NBEA: variants seen among roughly 807,000 people sequenced by gnomAD.
The protein encoded by NBEA is neurobeachin.
Under a neutral mutation model 343.4 loss-of-function variants are expected in NBEA, and 44 were observed. The ratio of observed to expected loss-of-function variants is 0.13; its 90% CI spans 0.10 to 0.16. NBEA has a LOEUF of 0.16. NBEA is among the 10% of genes least tolerant of loss of function. The pLI, the probability that NBEA is intolerant of heterozygous loss-of-function variation, is 1.00. For missense variants in NBEA, 2,555 were observed against 3,631.3 expected, an observed-to-expected ratio of 0.70 and a Z score of 7.62; for synonymous variants, 1,175 against 1,238.7, an observed-to-expected ratio of 0.95 and a Z score of 1.08.
intron 13 of NBEA, among the ~76,000 whole-genome samples, chr13:35,112,048 C>G (rs1259865472): frequency 6.6e-6 from 1 of 151,292 alleles, no homozygotes; most frequent in Non-Finnish European, 1.5e-5. Context: ...TCCCGAGTAG[C>G]TGGGACTACA....
intron 38 of NBEA, among the ~76,000 whole-genome samples, chr13:35,421,279 T>G (rs1017165268): frequency 2.0e-5 from 3 of 152,038 alleles, no homozygotes; most frequent in African/African-American, 7.2e-5. Context: ...TGTGGGTGAC[T>G]TGGTCATTTT....
intron 1 of NBEA, among the ~76,000 whole-genome samples, chr13:35,021,207 C>T (rs747300016): frequency 6.2e-4 from 94 of 152,016 alleles, no homozygotes; most frequent in Admixed American, 1.3e-3. Flanking sequence ...ATAGTTTTAT[C>T]GGAATGGTGG....
At chr13:35,202,431 T>G (rs1170944273) in intron 31 of NBEA, among the ~76,000 whole-genome samples, 1 of 152,166 alleles carries the variant, frequency 6.6e-6, no homozygotes. Context: ...GGGATTCTTA[T>G]AGTGTGCCAT....
intron 41 of NBEA, chr13:35,476,225 G>A: frequency 2.5e-6 from 4 of 1,594,004 alleles, no homozygotes; most frequent in Non-Finnish European, 3.4e-6. Flanking sequence ...GCCAACTTCG[G>A]TGGAGAAACG....
chr13:35,054,226 T>C (rs758696010), intron 6 of NBEA, among the ~76,000 whole-genome samples: 1 of 152,164 alleles, frequency 6.6e-6, no homozygotes, highest in Non-Finnish European at 1.5e-5. Flanking sequence ...TCTGTGTTAT[T>C]TAGATAGCAT....
intron 10 of NBEA, among the ~76,000 whole-genome samples, chr13:35,082,827 C>T (rs952726383): frequency 6.6e-5 from 10 of 152,066 alleles, no homozygotes; most frequent in East Asian, 1.9e-4. Context: ...AGCCCTTTGT[C>T]AGATGAGTAG....
intron 39 of NBEA, among the ~76,000 whole-genome samples, chr13:35,444,615 C>T (rs917736104): frequency 6.6e-6 from 1 of 151,896 alleles, no homozygotes; most frequent in Non-Finnish European, 1.5e-5. Context: ...ACAGAATTAC[C>T]TGATAATACA....
At chr13:35,047,690 C>T (rs1203402368) in intron 4 of NBEA, among the ~76,000 whole-genome samples, 4 of 151,448 alleles carry the variant, frequency 2.6e-5, no homozygotes, top group African/African-American at 7.3e-5. Flanking sequence ...AGCCATAGCA[C>T]GTGGGAAGTC....
chr13:35,602,272 G>A (rs2082087853), intron 47 of NBEA, among the ~76,000 whole-genome samples: 1 of 152,058 alleles, frequency 6.6e-6, no homozygotes, highest in Non-Finnish European at 1.5e-5. Flanking sequence ...CTAATGTCTT[G>A]TGTTTACATA....
chr13:35,364,372 C>G (rs538190656), intron 38 of NBEA, among the ~76,000 whole-genome samples: 37 of 151,764 alleles, frequency 2.4e-4, no homozygotes, highest in African/African-American at 8.7e-4. Context: ...GTGGGTTCAC[C>G]AAGGCAAAAG....
At chr13:35,532,286 A>G (rs979046373) in intron 41 of NBEA, among the ~76,000 whole-genome samples, 2 of 152,114 alleles carry the variant, frequency 1.3e-5, no homozygotes, top group Non-Finnish European at 2.9e-5. Context: ...ATCACATGAA[A>G]AGTACCTTTC....
At chr13:35,524,524 C>A (rs1267867015) in intron 41 of NBEA, among the ~76,000 whole-genome samples, 3 of 152,068 alleles carry the variant, frequency 2.0e-5, no homozygotes, top group African/African-American at 7.2e-5. Context: ...AAATAAGTTC[C>A]AAATCAAATT....
At chr13:35,043,427 G>T (rs568096918) in intron 2 of NBEA, among the ~76,000 whole-genome samples, 2 of 151,712 alleles carry the variant, frequency 1.3e-5, no homozygotes, top group African/African-American at 4.8e-5. Flanking sequence ...TTCTGTAAAG[G>T]TTGCCATTGC....
chr13:35,407,644 G>A (rs1045418738), intron 38 of NBEA, among the ~76,000 whole-genome samples: 1 of 151,868 alleles, frequency 6.6e-6, no homozygotes, highest in Non-Finnish European at 1.5e-5. Flanking sequence ...TAACATTTCT[G>A]GTATAAATAT....
At chr13:35,061,234 T>G (rs2063456387) in intron 8 of NBEA, among the ~76,000 whole-genome samples, 1 of 151,750 alleles carries the variant, frequency 6.6e-6, no homozygotes, top group Admixed American at 6.6e-5. Context: ...TATCAGTAAA[T>G]ATTCTGTACT....
chr13:35,128,361 T>C (rs967900978), intron 17 of NBEA, among the ~76,000 whole-genome samples: 1 of 152,076 alleles, frequency 6.6e-6, no homozygotes, highest in Non-Finnish European at 1.5e-5. Flanking sequence ...GAAACATTCA[T>C]AAACTAGAAA....
chr13:35,160,213 A>G (rs2069458704), intron 22 of NBEA, among the ~76,000 whole-genome samples, 181 bp downstream of exon 22: 1 of 152,242 alleles, frequency 6.6e-6, no homozygotes, highest in East Asian at 1.9e-4. Context: ...AAAATATCTC[A>G]ATTATATTTC....
At chr13:35,450,639 G>C (rs73502801) in intron 39 of NBEA, among the ~76,000 whole-genome samples, 3 of 152,188 alleles carry the variant, frequency 2.0e-5, no homozygotes, top group African/African-American at 7.2e-5. Flanking sequence ...TTTATGGTCC[G>C]ACACCATAAT....
chr13:35,636,950 T>G (rs2083717537), intron 49 of NBEA, among the ~76,000 whole-genome samples: 2 of 152,222 alleles, frequency 1.3e-5, no homozygotes, highest in Admixed American at 6.5e-5. Context: ...CTCTACAGCC[T>G]TTCCTATCTG....
Sources: gnomAD v4.1 joint callset for allele counts (sites outside exome capture counted in the v4.1 genomes callset) on GRCh38, gnomAD v4.1.1 for gene constraint, MANE v1.5 for transcripts, NCBI Gene and HGNC (gene_info 2026-07-23, HGNC 2026-07-21) for gene names.